The following SPATA16 variants were observed in gnomAD, a reference collection of about 807,000 sequenced individuals.
The protein encoded by SPATA16 is spermatogenesis-associated protein 16.
Under a neutral mutation model 63.3 loss-of-function variants are expected in SPATA16, and 36 were observed. That is an observed-to-expected ratio of 0.57 (90% confidence interval 0.44 to 0.75). SPATA16 has a LOEUF of 0.75. Ranked by LOEUF, SPATA16 falls within the 30% of genes least tolerant of loss-of-function variation. The pLI, the probability that SPATA16 is intolerant of heterozygous loss-of-function variation, is 0.00. For missense variants in SPATA16, 646 were observed against 679.3 expected (o/e 0.95, Z 0.54); for synonymous variants, 203 against 216.7 (o/e 0.94, Z 0.56).
intron 6 of SPATA16, among the ~76,000 whole-genome samples, chr3:172,937,221 T>C (rs917972595): frequency 2.0e-5 from 3 of 152,166 alleles, no homozygotes; most frequent in Non-Finnish European, 4.4e-5. Flanking sequence ...TGGCCCTGAC[T>C]CACAGAAGCA....
At chr3:173,093,580 A>G (rs1226414449) in intron 2 of SPATA16, among the ~76,000 whole-genome samples, 1 of 152,178 alleles carries the variant, frequency 6.6e-6, no homozygotes, top group Non-Finnish European at 1.5e-5. Context: ...AAAGATTACT[A>G]TGTATATGAT....
chr3:172,893,064 G>A (rs1353408385), intron 10 of SPATA16, among the ~76,000 whole-genome samples: 2 of 152,152 alleles, frequency 1.3e-5, no homozygotes, highest in East Asian at 3.8e-4. Context: ...CCATATCAAA[G>A]AGTAAGGAAA....
chr3:172,903,520 G>T (rs936243722), intron 10 of SPATA16, among the ~76,000 whole-genome samples: 6 of 152,298 alleles, frequency 3.9e-5, no homozygotes, highest in Non-Finnish European at 8.8e-5. Flanking sequence ...ACTTGGAGGG[G>T]TTATGGCAAT....
chr3:172,906,944 C>T (rs996567183), intron 10 of SPATA16, among the ~76,000 whole-genome samples: 4 of 152,056 alleles, frequency 2.6e-5, no homozygotes, highest in Admixed American at 6.5e-5. Context: ...GGGGTTTCAC[C>T]GTGTTAGCCA....
intron 2 of SPATA16, among the ~76,000 whole-genome samples, chr3:173,060,248 A>G (rs1736347054): frequency 6.6e-6 from 1 of 152,018 alleles, no homozygotes; most frequent in African/African-American, 2.4e-5. Context: ...CAACAGCGAA[A>G]CTCCATCCCC....
At chr3:173,134,101 A>G (rs1414526594) in intron 1 of SPATA16, among the ~76,000 whole-genome samples, 2 of 152,360 alleles carry the variant, frequency 1.3e-5, no homozygotes, top group Non-Finnish European at 2.9e-5. Flanking sequence ...AGGAGGCAGC[A>G]TGGCTTTGAT....
chr3:173,113,696 A>G (rs1034612189), intron 2 of SPATA16, among the ~76,000 whole-genome samples: 1 of 152,250 alleles, frequency 6.6e-6, no homozygotes, highest in Admixed American at 6.5e-5. Flanking sequence ...CTAACACATA[A>G]ACAAAACATT....
At chr3:172,978,138 C>CCTCTCT (rs71162321) in intron 4 of SPATA16, among the ~76,000 whole-genome samples, 29 of 148,368 alleles carry the variant, frequency 2.0e-4, no homozygotes, top group African/African-American at 5.7e-4. Context: ...TCTCTCTCTC[C>CCTCTCT]CTCTCTCTCT....
chr3:173,005,074 G>A (rs1010781187), intron 4 of SPATA16, among the ~76,000 whole-genome samples: 1 of 152,182 alleles, frequency 6.6e-6, no homozygotes, highest in African/African-American at 2.4e-5. Flanking sequence ...TGTATTCCCA[G>A]CACTCTGGGA....
At chr3:173,130,746 T>C (rs992763058) in intron 1 of SPATA16, among the ~76,000 whole-genome samples, 4 of 152,242 alleles carry the variant, frequency 2.6e-5, no homozygotes, top group Non-Finnish European at 5.9e-5. Flanking sequence ...TTTGACATTA[T>C]ACTAAAGATA....
intron 4 of SPATA16, among the ~76,000 whole-genome samples, chr3:173,002,695 A>G (rs2108266837): frequency 6.6e-6 from 1 of 152,334 alleles, no homozygotes. Flanking sequence ...TATCTTATAC[A>G]GCATAGTGTG....
chr3:173,131,244 G>A (rs556331003), intron 1 of SPATA16, among the ~76,000 whole-genome samples: 6 of 152,250 alleles, frequency 3.9e-5, no homozygotes, highest in Non-Finnish European at 7.4e-5. Context: ...AAAATACATC[G>A]TTCAAACAGT....
chr3:173,054,662 G>C (rs888393123), intron 2 of SPATA16, among the ~76,000 whole-genome samples: 12 of 152,046 alleles, frequency 7.9e-5, no homozygotes, highest in African/African-American at 2.9e-4. Context: ...AGGGAACTTA[G>C]AGGACATGGC....
chr3:172,989,510 C>T (rs1373177840), intron 4 of SPATA16, among the ~76,000 whole-genome samples: 2 of 152,248 alleles, frequency 1.3e-5, no homozygotes, highest in African/African-American at 2.4e-5. Context: ...AGCTAGACAG[C>T]GTTTGTTTGA....
At chr3:172,946,416 C>T (rs932590579) in intron 6 of SPATA16, among the ~76,000 whole-genome samples, 4 of 152,260 alleles carry the variant, frequency 2.6e-5, no homozygotes, top group African/African-American at 9.6e-5. Flanking sequence ...GCCTTGGCTA[C>T]TAGACAGTAT....
intron 4 of SPATA16, among the ~76,000 whole-genome samples, chr3:172,982,651 T>G (rs1734347966): frequency 6.6e-6 from 1 of 152,194 alleles, no homozygotes; most frequent in South Asian, 2.1e-4. Context: ...GAATGGCAAA[T>G]GCACAATAAA....
chr3:172,953,443 G>A (rs1352913978), intron 6 of SPATA16, among the ~76,000 whole-genome samples: 2 of 152,188 alleles, frequency 1.3e-5, no homozygotes, highest in South Asian at 2.1e-4. Flanking sequence ...GAAAGTGGCT[G>A]GGTTCACAAG....
At chr3:173,040,814 T>C (rs1319179753) in intron 3 of SPATA16, among the ~76,000 whole-genome samples, 2 of 152,098 alleles carry the variant, frequency 1.3e-5, no homozygotes, top group Non-Finnish European at 2.9e-5. Flanking sequence ...CTAAGTGAGA[T>C]AGCTTATAAA....
intron 5 of SPATA16, among the ~76,000 whole-genome samples, chr3:172,975,534 C>T (rs907962060): frequency 2.6e-5 from 4 of 151,952 alleles, no homozygotes; most frequent in Non-Finnish European, 2.9e-5. Context: ...TAGCTATAGC[C>T]CATATTATTT....
Sources: gnomAD v4.1 joint callset for allele counts (sites outside exome capture counted in the v4.1 genomes callset) on GRCh38, gnomAD v4.1.1 for gene constraint, MANE v1.5 for transcripts, NCBI Gene and HGNC (gene_info 2026-07-23, HGNC 2026-07-21) for gene names.